The following ZBTB20 variants were observed in gnomAD, a reference collection of about 807,000 sequenced individuals.
The protein encoded by ZBTB20 is zinc finger and BTB domain containing 20, also known as zinc finger and BTB domain-containing protein 20.
In ZBTB20, 9 loss-of-function variants were observed where a neutral mutation model predicts 56.9. The observed-to-expected ratio is 0.16, with a 90% CI of 0.10 to 0.28. ZBTB20 has a LOEUF of 0.28. Among genes scored for constraint, ZBTB20 ranks in the 10% least tolerant of loss-of-function variants. The pLI is 1.00. For synonymous variants in ZBTB20, 417 were observed against 420.7 expected (o/e 0.99, Z 0.11); for missense variants, 655 against 1,003.0 (o/e 0.65, Z 4.69).
intron 7 of ZBTB20, among the ~76,000 whole-genome samples, chr3:114,451,695 G>A (rs1012978878): frequency 3.3e-5 from 5 of 152,202 alleles, no homozygotes; most frequent in East Asian, 1.9e-4. Flanking sequence ...GCCATTCTCC[G>A]AAAAGGAATC....
chr3:114,783,239 T>C (rs1160953349), intron 5 of ZBTB20, among the ~76,000 whole-genome samples: 2 of 152,220 alleles, frequency 1.3e-5, no homozygotes, highest in African/African-American at 4.8e-5. Context: ...CTTAAACTCA[T>C]TACATAAATA....
intron 2 of ZBTB20, among the ~76,000 whole-genome samples, chr3:115,005,455 A>G (rs1034821874): frequency 5.9e-5 from 9 of 151,700 alleles, no homozygotes; most frequent in South Asian, 2.1e-4. Flanking sequence ...TTTAGTTGCT[A>G]TTACTATTTT....
At chr3:115,104,824 A>C (rs1167531979) in intron 1 of ZBTB20, among the ~76,000 whole-genome samples, 4 of 152,318 alleles carry the variant, frequency 2.6e-5, no homozygotes. Context: ...AGAAGGCACA[A>C]CACCAAGAGT....
intron 6 of ZBTB20, among the ~76,000 whole-genome samples, chr3:114,557,584 A>C (rs1019985993): frequency 1.3e-5 from 2 of 151,962 alleles, no homozygotes; most frequent in South Asian, 2.1e-4. Flanking sequence ...TATGAAATTC[A>C]ACATCACTTT....
At chr3:114,821,324 A>G (rs1356187809) in intron 4 of ZBTB20, among the ~76,000 whole-genome samples, 1 of 152,110 alleles carries the variant, frequency 6.6e-6, no homozygotes, top group Non-Finnish European at 1.5e-5. Flanking sequence ...CATGTGCACC[A>G]TATCAGGAAC....
chr3:114,658,685 T>C (rs1009722810), intron 6 of ZBTB20: 6 of 152,232 alleles, frequency 3.9e-5, no homozygotes, highest in African/African-American at 1.2e-4. Context: ...AGAATAACAA[T>C]TGAAGCAGTG....
chr3:114,828,547 GTTAT>G (rs2073675210), intron 4 of ZBTB20, among the ~76,000 whole-genome samples: 1 of 151,738 alleles, frequency 6.6e-6, no homozygotes, highest in South Asian at 2.1e-4. Context: ...GATTAAGAAG[GTTAT>G]TTATTTCTAC....
At chr3:114,815,835 G>A (rs1242805484) in intron 4 of ZBTB20, among the ~76,000 whole-genome samples, 1 of 152,014 alleles carries the variant, frequency 6.6e-6, no homozygotes, top group Non-Finnish European at 1.5e-5. Flanking sequence ...AAATGAAATG[G>A]CAAATTTGAT....
At chr3:114,697,233 C>G (rs555299090) in intron 5 of ZBTB20, among the ~76,000 whole-genome samples, 26 of 152,120 alleles carry the variant, frequency 1.7e-4, no homozygotes, top group Non-Finnish European at 2.9e-4. Flanking sequence ...AACACACACA[C>G]ACCCGTCTTC....
chr3:114,379,876 G>C (rs773116590), intron 10 of ZBTB20, among the ~76,000 whole-genome samples: 2 of 152,146 alleles, frequency 1.3e-5, no homozygotes, highest in Non-Finnish European at 2.9e-5. Flanking sequence ...TCCACATTTG[G>C]TTGTTCAATT....
chr3:114,925,943 T>C (rs189019026), intron 3 of ZBTB20, among the ~76,000 whole-genome samples: 1 of 152,346 alleles, frequency 6.6e-6, no homozygotes, highest in African/African-American at 2.4e-5. Flanking sequence ...TTTGTTCTCA[T>C]GGGACATTAA....
At chr3:114,710,090 ATTTG>A (rs1351719365) in intron 5 of ZBTB20, among the ~76,000 whole-genome samples, 3 of 152,152 alleles carry the variant, frequency 2.0e-5, no homozygotes, top group South Asian at 2.1e-4. Context: ...TGAAACAATA[ATTTG>A]TTTGTCTTAC....
chr3:114,935,665 T>C (rs936124874), intron 3 of ZBTB20, among the ~76,000 whole-genome samples: 2 of 152,300 alleles, frequency 1.3e-5, no homozygotes, highest in Admixed American at 1.3e-4. Flanking sequence ...CATAATTCAG[T>C]TTGCCATCCC....
At position 114,978,577 on chromosome 3, in the gene ZBTB20, T is replaced by C. The variant is rs530018027; in HGVS notation, c.-506-4161A>G. On this transcript the variant is annotated intron_variant, in intron 2 of 11. Coordinates refer to ENST00000675478, the MANE Select transcript of ZBTB20 (RefSeq NM_001348800.3). ...TAATAATGATAACATACCATACCAA[T>C]ATTTAATAATTTTTCTCTATATAAT... Among the ~76,000 whole-genome samples the C allele has an allele frequency of 1.1e-4, 16 of 151,688 alleles. No individual in the cohort carries two copies. In the South Asian group the frequency reaches 1.2e-3, roughly 12 times the overall value.
At chr3:115,056,464 G>C (rs2081786757) in intron 2 of ZBTB20, among the ~76,000 whole-genome samples, 1 of 151,960 alleles carries the variant, frequency 6.6e-6, no homozygotes, top group African/African-American at 2.4e-5. Context: ...AATCATAAAA[G>C]TCACACATGA....
At chr3:114,513,991 T>C (rs567265892) in intron 6 of ZBTB20, among the ~76,000 whole-genome samples, 2 of 152,148 alleles carry the variant, frequency 1.3e-5, no homozygotes, top group Admixed American at 1.3e-4. Context: ...TGTATGTGTT[T>C]ATGTATGTGT....
chr3:114,589,935 A>G (rs2055570726), intron 6 of ZBTB20, among the ~76,000 whole-genome samples: 1 of 152,206 alleles, frequency 6.6e-6, no homozygotes, highest in African/African-American at 2.4e-5. Context: ...CATAGCAAAT[A>G]CCACCAACAC....
At chr3:114,605,058 T>C (rs187214838) in intron 6 of ZBTB20, among the ~76,000 whole-genome samples, 1 of 152,190 alleles carries the variant, frequency 6.6e-6, no homozygotes, top group Admixed American at 6.5e-5. Context: ...ATGTACTCAG[T>C]ATGCATAACA....
At chr3:114,511,657 T>C (rs1403620774) in intron 6 of ZBTB20, among the ~76,000 whole-genome samples, 1 of 152,056 alleles carries the variant, frequency 6.6e-6, no homozygotes, top group Admixed American at 6.6e-5. Context: ...AAAATCTATC[T>C]AATATTTTAA....
Sources: gnomAD v4.1 joint callset for allele counts (sites outside exome capture counted in the v4.1 genomes callset) on GRCh38, gnomAD v4.1.1 for gene constraint, MANE v1.5 for transcripts, NCBI Gene and HGNC (gene_info 2026-07-23, HGNC 2026-07-21) for gene names.